The following KCNH1 variants were observed in gnomAD, a reference collection of about 807,000 sequenced individuals.
KCNH1 encodes voltage-gated delayed rectifier potassium channel KCNH1.
Under a neutral mutation model 69.2 loss-of-function variants are expected in KCNH1, and 27 were observed. The ratio of observed to expected loss-of-function variants is 0.39; its 90% CI spans 0.29 to 0.54. KCNH1 has a LOEUF of 0.54. Among genes scored for constraint, KCNH1 ranks in the 20% least tolerant of loss-of-function variants. The probability of loss-of-function intolerance (pLI) is 0.68; values close to 1 mark genes in which losing one functional copy is unlikely to be tolerated. For synonymous variants in KCNH1, 456 were observed against 487.7 expected (o/e 0.93, Z 0.86); for missense variants, 798 against 1,261.6 (o/e 0.63, Z 5.57).
chr1:210,733,374 T>C (rs552663967), intron 10 of KCNH1, among the ~76,000 whole-genome samples: 28 of 152,312 alleles, frequency 1.8e-4, no homozygotes, highest in African/African-American at 6.5e-4. Context: ...AGTAGCACAA[T>C]GCTTGTCTGG....
At chr1:210,949,750 A>G (rs892639252) in intron 6 of KCNH1, among the ~76,000 whole-genome samples, 1 of 152,222 alleles carries the variant, frequency 6.6e-6, no homozygotes, top group African/African-American at 2.4e-5. Context: ...ATCGCCCATT[A>G]TAATTGTTCA....
At position 211,133,320 on chromosome 1, in the gene KCNH1, T is replaced by A. The variant is rs1691911178; in HGVS notation, c.79+547A>T. 6.6e-6 allele frequency: 1 copy of A among 152,170 alleles called. No individual in the cohort carries two copies. Among genetic ancestry groups the A allele is most frequent in the Non-Finnish European group, 1.5e-5 (1 of 68,102 alleles). 9.4% of individuals were successfully genotyped at this position (152,170 alleles called of 1,614,324 possible). On this transcript the variant is annotated intron_variant, in intron 1 of 10. Transcript: ENST00000271751. This position sits in a 1 kb window ranked among gnomAD's most constrained non-coding sequence, Gnocchi z 5.4. ...GTGGTGGGTGGGTGAAGGGGTGGAA[T>A]CAGGCCGCCGAGAGCACGTCCCGAC...
At chr1:211,082,076 T>C (rs1483083072) in intron 5 of KCNH1, among the ~76,000 whole-genome samples, 1 of 152,180 alleles carries the variant, frequency 6.6e-6, no homozygotes, top group Non-Finnish European at 1.5e-5. Context: ...TAAGATACCT[T>C]GTCAGGGCTT....
intron 3 of KCNH1, among the ~76,000 whole-genome samples, chr1:211,099,855 T>C (rs917647854): frequency 6.6e-6 from 1 of 152,142 alleles, no homozygotes; most frequent in African/African-American, 2.4e-5. Context: ...TGGACACCAC[T>C]GACAAAGGCC....
At chr1:210,970,541 G>C (rs960141410) in intron 6 of KCNH1, among the ~76,000 whole-genome samples, 3 of 152,078 alleles carry the variant, frequency 2.0e-5, no homozygotes, top group African/African-American at 4.8e-5. Context: ...AATGGGGAAA[G>C]GATTTCCTAT....
chr1:210,819,352 C>T (rs904916074), intron 7 of KCNH1, among the ~76,000 whole-genome samples: 3 of 151,910 alleles, frequency 2.0e-5, no homozygotes, highest in African/African-American at 7.3e-5. Flanking sequence ...TGATTTTAAG[C>T]CTTGAACTCA....
chr1:211,114,235 G>T (rs1332528690), intron 1 of KCNH1, among the ~76,000 whole-genome samples: 1 of 152,062 alleles, frequency 6.6e-6, no homozygotes, highest in Admixed American at 6.5e-5. Flanking sequence ...CAGATACTAT[G>T]CAAGGGCCAC....
At chr1:210,733,332 C>T (rs1484350293) in intron 10 of KCNH1, among the ~76,000 whole-genome samples, 1 of 152,084 alleles carries the variant, frequency 6.6e-6, no homozygotes, top group Admixed American at 6.5e-5. Context: ...TGGAGTTTAC[C>T]TGAGGATTAA....
chr1:210,805,847 A>G (rs994897530), intron 7 of KCNH1, among the ~76,000 whole-genome samples: 1 of 152,208 alleles, frequency 6.6e-6, no homozygotes, highest in Non-Finnish European at 1.5e-5. Context: ...GCGGTCTTCC[A>G]TGACTAGCTT....
intron 1 of KCNH1, among the ~76,000 whole-genome samples, chr1:211,125,785 A>C (rs1691767462): frequency 6.6e-6 from 1 of 152,232 alleles, no homozygotes; most frequent in African/African-American, 2.4e-5. Context: ...GATGGTTTTT[A>C]GTCACTCTCA....
At chr1:210,820,588 C>G (rs561040706) in intron 7 of KCNH1, among the ~76,000 whole-genome samples, 1 of 152,226 alleles carries the variant, frequency 6.6e-6, no homozygotes, top group South Asian at 2.1e-4. Flanking sequence ...GAGCCGAGAT[C>G]ATGTCACTAC....
At chr1:211,086,237 T>C (rs1011955950) in intron 4 of KCNH1, among the ~76,000 whole-genome samples, 2 of 152,144 alleles carry the variant, frequency 1.3e-5, no homozygotes, top group Non-Finnish European at 2.9e-5. Flanking sequence ...TTCCAATAGA[T>C]ATAAAGTCCC....
intron 9 of KCNH1, among the ~76,000 whole-genome samples, chr1:210,797,096 C>A (rs1385643646): frequency 6.8e-6 from 1 of 147,196 alleles, no homozygotes; most frequent in African/African-American, 2.6e-5. Flanking sequence ...GGATTTGACA[C>A]ATGCTATCCC....
At chr1:210,781,175 T>G (rs543124983) in intron 9 of KCNH1, among the ~76,000 whole-genome samples, 1 of 152,198 alleles carries the variant, frequency 6.6e-6, no homozygotes, top group Non-Finnish European at 1.5e-5. Context: ...GGAAAGTGCC[T>G]GGTTTCCTCA....
At chr1:210,851,742 T>C (rs1685712538) in intron 7 of KCNH1, among the ~76,000 whole-genome samples, 1 of 152,216 alleles carries the variant, frequency 6.6e-6, no homozygotes, top group Middle Eastern at 3.2e-3. Flanking sequence ...CTGTACTAAA[T>C]GCTGTAAGCT....
chr1:210,788,377 G>A (rs1441667844), intron 9 of KCNH1, among the ~76,000 whole-genome samples: 1 of 152,118 alleles, frequency 6.6e-6, no homozygotes, highest in Non-Finnish European at 1.5e-5. Flanking sequence ...TTGCATGCCA[G>A]TAAAACTTCT....
At chr1:211,044,841 T>C (rs944208263) in intron 5 of KCNH1, among the ~76,000 whole-genome samples, 1 of 151,834 alleles carries the variant, frequency 6.6e-6, no homozygotes, top group Non-Finnish European at 1.5e-5. Flanking sequence ...GAAAACAGTG[T>C]GGAGATTCCT....
intron 7 of KCNH1, among the ~76,000 whole-genome samples, chr1:210,900,745 TG>T (rs1686977968): frequency 6.6e-6 from 1 of 152,174 alleles, no homozygotes; most frequent in African/African-American, 2.4e-5. Context: ...CAATAATCTT[TG>T]TACACAATGG....
At chr1:210,931,522 G>A (rs563184529) in intron 6 of KCNH1, among the ~76,000 whole-genome samples, 8 of 152,248 alleles carry the variant, frequency 5.3e-5, no homozygotes, top group South Asian at 4.1e-4. Flanking sequence ...GGGGGAAAGG[G>A]TGAGGGTGGT....
Sources: allele counts gnomAD v4.1 joint callset (sites outside exome capture counted in the v4.1 genomes callset), GRCh38; gene constraint gnomAD v4.1.1; non-coding constraint Gnocchi (gnomAD v3.1); transcripts MANE v1.5; gene names NCBI Gene and HGNC (gene_info 2026-07-23, HGNC 2026-07-21).